The following LRFN5 variants were observed in gnomAD, a reference collection of about 807,000 sequenced individuals.
The protein encoded by LRFN5 is leucine rich repeat and fibronectin type III domain containing 5, also known as leucine-rich repeat and fibronectin type-III domain-containing protein 5.
In LRFN5, 24 loss-of-function variants were observed where a neutral mutation model predicts 45.6. The ratio of observed to expected loss-of-function variants is 0.53; its 90% confidence interval spans 0.38 to 0.74. The LOEUF (loss-of-function observed/expected upper bound fraction) is 0.74, where lower values mean the gene tolerates loss of function less well. Ranked by LOEUF, LRFN5 falls within the 30% of genes least tolerant of loss-of-function variation. The probability of loss-of-function intolerance (pLI) is 0.00; values close to 1 mark genes in which losing one functional copy is unlikely to be tolerated. For missense variants in LRFN5, 776 were observed against 861.5 expected (o/e 0.90, Z 1.24); for synonymous variants, 340 against 313.8 (o/e 1.08, Z -0.88).
At chr14:41,869,969 TA>T (rs1315426938) in intron 2 of LRFN5, among the ~76,000 whole-genome samples, 3 of 152,292 alleles carry the variant, frequency 2.0e-5, no homozygotes, top group South Asian at 2.1e-4. Flanking sequence ...TTAATCTAAA[TA>T]TTTTTTATTA....
chr14:41,880,913 C>G (rs1242586586), intron 2 of LRFN5, among the ~76,000 whole-genome samples: 1 of 152,054 alleles, frequency 6.6e-6, no homozygotes, highest in Non-Finnish European at 1.5e-5. Context: ...TTGCCTTTTT[C>G]TAATTTATAG....
At chr14:41,662,634 C>T (rs1421528430) in intron 1 of LRFN5, among the ~76,000 whole-genome samples, 1 of 151,992 alleles carries the variant, frequency 6.6e-6, no homozygotes, top group African/African-American at 2.4e-5. Context: ...AGTTGGTCAG[C>T]AGGGCCACCA....
intron 2 of LRFN5, among the ~76,000 whole-genome samples, chr14:41,807,246 G>T (rs1309735927): frequency 2.6e-5 from 4 of 152,086 alleles, no homozygotes; most frequent in African/African-American, 9.7e-5. Context: ...GAACTGGTTA[G>T]AATTGCCAGT....
At chr14:41,622,185 C>T (rs2138560569) in intron 1 of LRFN5, among the ~76,000 whole-genome samples, 1 of 151,298 alleles carries the variant, frequency 6.6e-6, no homozygotes, top group East Asian at 1.9e-4. Context: ...TTTTCTGTCC[C>T]CCATGTGAAA....
intron 1 of LRFN5, among the ~76,000 whole-genome samples, chr14:41,730,301 C>A (rs1482783061): frequency 6.6e-6 from 1 of 151,882 alleles, no homozygotes; most frequent in Non-Finnish European, 1.5e-5. Context: ...CATTTATCAC[C>A]CCTACAGTAA....
At chr14:41,858,615 C>T (rs1889555425) in intron 2 of LRFN5, among the ~76,000 whole-genome samples, 1 of 152,124 alleles carries the variant, frequency 6.6e-6, no homozygotes, top group African/African-American at 2.4e-5. Flanking sequence ...TAAAACTCTT[C>T]CTTCAATGTC....
At chr14:41,808,088 G>T (rs182650988) in intron 2 of LRFN5, among the ~76,000 whole-genome samples, 214 of 150,006 alleles carry the variant, frequency 1.4e-3, no homozygotes, top group Admixed American at 2.9e-3. Flanking sequence ...CTACATATTT[G>T]CACTGTAGGA....
At chr14:41,739,057 T>A (rs1485350431) in intron 1 of LRFN5, among the ~76,000 whole-genome samples, 1 of 152,126 alleles carries the variant, frequency 6.6e-6, no homozygotes, top group Non-Finnish European at 1.5e-5. Context: ...TTGAATATCA[T>A]CTGTTGTGAC....
intron 1 of LRFN5, among the ~76,000 whole-genome samples, chr14:41,620,381 A>G (rs1448858424): frequency 1.3e-5 from 2 of 152,066 alleles, no homozygotes; most frequent in Non-Finnish European, 2.9e-5. Context: ...TTTTAAAGAA[A>G]AAATTATGTA....
intron 2 of LRFN5, among the ~76,000 whole-genome samples, chr14:41,775,117 G>A (rs1886235799): frequency 2.3e-5 from 1 of 44,242 alleles, no homozygotes; most frequent in Admixed American, 3.2e-4. Context: ...TTGAGACGGA[G>A]TCTCGCTCTG....
intron 1 of LRFN5, among the ~76,000 whole-genome samples, chr14:41,764,536 T>C (rs934593829): frequency 6.6e-6 from 1 of 152,180 alleles, no homozygotes; most frequent in Non-Finnish European, 1.5e-5. Flanking sequence ...CTTTTCATGC[T>C]AAAATAAAGA....
intron 1 of LRFN5, among the ~76,000 whole-genome samples, chr14:41,741,588 T>G (rs1403087968): frequency 6.6e-6 from 1 of 151,638 alleles, no homozygotes; most frequent in Non-Finnish European, 1.5e-5. Context: ...AATCAATAAA[T>G]CTACTAGAAG....
At chr14:41,690,664 A>G (rs1223040346) in intron 1 of LRFN5, among the ~76,000 whole-genome samples, 1 of 152,240 alleles carries the variant, frequency 6.6e-6, no homozygotes, top group Non-Finnish European at 1.5e-5. Context: ...GACATCTATG[A>G]AAAACCCACA....
At chr14:41,863,029 T>C (rs1220447130) in intron 2 of LRFN5, among the ~76,000 whole-genome samples, 7 of 151,922 alleles carry the variant, frequency 4.6e-5, no homozygotes, top group Non-Finnish European at 8.8e-5. Flanking sequence ...GATGCCCGGC[T>C]AATTTTTTGT....
chr14:41,695,492 T>A (rs1882571086), intron 1 of LRFN5, among the ~76,000 whole-genome samples: 1 of 151,862 alleles, frequency 6.6e-6, no homozygotes, highest in South Asian at 2.1e-4. Context: ...TGGCCTTCAG[T>A]TTTTCAAAGA....
At chr14:41,883,866 A>G (rs959039782) in intron 2 of LRFN5, among the ~76,000 whole-genome samples, 1 of 152,084 alleles carries the variant, frequency 6.6e-6, no homozygotes, top group Non-Finnish European at 1.5e-5. Flanking sequence ...AGTTCTTTAA[A>G]TATATTTCTG....
chr14:41,655,716 T>C (rs1880348732), intron 1 of LRFN5, among the ~76,000 whole-genome samples: 1 of 151,942 alleles, frequency 6.6e-6, no homozygotes, highest in Non-Finnish European at 1.5e-5. Context: ...AAGATACATA[T>C]GTGATGTAGG....
At chr14:41,844,293 C>T (rs1436917659) in intron 2 of LRFN5, among the ~76,000 whole-genome samples, 3 of 151,776 alleles carry the variant, frequency 2.0e-5, no homozygotes, top group East Asian at 1.9e-4. Flanking sequence ...AAAAATTAGC[C>T]AGGCGTGGTG....
intron 1 of LRFN5, among the ~76,000 whole-genome samples, chr14:41,679,761 C>T (rs1331534032): frequency 1.3e-5 from 2 of 152,078 alleles, no homozygotes; most frequent in East Asian, 1.9e-4. Flanking sequence ...TTTCTTACTG[C>T]TTAGGTACCA....
Sources: gnomAD v4.1 joint callset for allele counts (sites outside exome capture counted in the v4.1 genomes callset) on GRCh38, gnomAD v4.1.1 for gene constraint, MANE v1.5 for transcripts, NCBI Gene and HGNC (gene_info 2026-07-23, HGNC 2026-07-21) for gene names.